Variants in KDM7A observed in about 807,000 individuals in gnomAD.
The protein encoded by KDM7A is lysine demethylase 7A.
In KDM7A, 28 loss-of-function variants were observed where a neutral mutation model predicts 114.8. The ratio of observed to expected loss-of-function variants is 0.24; its 90% CI spans 0.18 to 0.33. The LOEUF (loss-of-function observed/expected upper bound fraction) is 0.33, where lower values mean the gene tolerates loss of function less well. Among genes scored for constraint, KDM7A ranks in the 10% least tolerant of loss-of-function variants. The pLI is 1.00. For missense variants in KDM7A, 942 were observed against 1,142.5 expected (o/e 0.82, Z 2.53); for synonymous variants, 423 against 397.8 (o/e 1.06, Z -0.75).
intron 12 of KDM7A, among the ~76,000 whole-genome samples, chr7:140,100,723 TATATATATATATATATATACATATATA>T (rs1562946108): frequency 4.2e-4 from 25 of 59,342 alleles, no homozygotes; most frequent in African/African-American, 1.7e-3. Flanking sequence ...TATATATATA[TATATATATATATATATATACATATATA>T]TTTTTTTGTT....
In KDM7A at chr7:140,091,941, G is replaced by C; in HGVS notation, c.2594C>G (p.Thr865Ser). 6.2e-7 allele frequency: 1 copy of C among 1,613,970 alleles called. No individual in the cohort carries two copies. The highest frequency in any genetic ancestry group is 1.1e-5 in the South Asian group (1 of 91,058). Residue 865 changes from threonine to serine, a missense_variant, in exon 19 of 20, where the codon ACT (threonine) becomes AGT (serine). Around this residue, in one of 4 missense-constraint regions of KDM7A, gnomAD observed 512 missense variants for 576.6 expected, o/e 0.89. Coordinates refer to ENST00000397560, the MANE Select transcript of KDM7A (RefSeq NM_030647.2). ...ATTACTTATCTGGCACGCCCCCGAA[G>C]TCAGGTTTGAATTCTGCATATACTT... ...NGKYMQNSNLTSGACQISNGS... is the reference protein window; with the variant it reads ...NGKYMQNSNLSSGACQISNGS...
chr7:140,093,098 TCTA>T (rs1818049353), intron 18 of KDM7A, among the ~76,000 whole-genome samples: 2 of 152,164 alleles, frequency 1.3e-5, no homozygotes, highest in South Asian at 4.1e-4. Context: ...CACCCATAAT[TCTA>T]CTACTCAGAG....
At chr7:140,121,114 G>A (rs147527556) in intron 7 of KDM7A, among the ~76,000 whole-genome samples, 3 of 152,282 alleles carry the variant, frequency 2.0e-5, no homozygotes, top group Non-Finnish European at 2.9e-5. Flanking sequence ...GAGTCAACCT[G>A]AGACCTGACT....
At chr7:140,119,315 T>C (rs917265306) in intron 8 of KDM7A, 96 bp from the exon 9 acceptor site, 4 of 607,560 alleles carry the variant, frequency 6.6e-6, no homozygotes, top group South Asian at 2.4e-5. Context: ...GGTCATGATA[T>C]GTAAGACCAA....
chr7:140,103,566 G>T (rs755358646), intron 11 of KDM7A, among the ~76,000 whole-genome samples: 2 of 152,030 alleles, frequency 1.3e-5, no homozygotes, highest in African/African-American at 2.4e-5. Context: ...GCGGTGTTTG[G>T]TTTTTTGTCC....
At chr7:140,165,819 C>T (rs1156260347) in intron 1 of KDM7A, among the ~76,000 whole-genome samples, 2 of 142,740 alleles carry the variant, frequency 1.4e-5, no homozygotes, top group African/African-American at 5.5e-5. Flanking sequence ...CCATAAAGTG[C>T]TTCCTTTAAG....
At chr7:140,100,686 A>T (rs1311177018) in intron 12 of KDM7A, among the ~76,000 whole-genome samples, 5 of 33,582 alleles carry the variant, frequency 1.5e-4, no homozygotes, top group African/African-American at 7.4e-4. Flanking sequence ...ATATACATAT[A>T]TACATATATA....
At chr7:140,173,786 G>A (rs1049520490) in intron 1 of KDM7A, among the ~76,000 whole-genome samples, 1 of 152,040 alleles carries the variant, frequency 6.6e-6, no homozygotes, top group Non-Finnish European at 1.5e-5. Context: ...TCCGAAAAAC[G>A]ATCACTCATT....
chr7:140,113,775 C>A (rs1263901357), intron 9 of KDM7A, among the ~76,000 whole-genome samples, 193 bp from the exon 10 acceptor site: 1 of 152,038 alleles, frequency 6.6e-6, no homozygotes, highest in East Asian at 1.9e-4. Context: ...ATGTAATTTA[C>A]TAAATACTCC....
At chr7:140,166,667 C>T (rs1794579897) in intron 1 of KDM7A, among the ~76,000 whole-genome samples, 1 of 152,078 alleles carries the variant, frequency 6.6e-6, no homozygotes, top group Non-Finnish European at 1.5e-5. Flanking sequence ...CAAATTAGTA[C>T]TAAAGCTAGT....
At chr7:140,129,406 T>G in intron 4 of KDM7A, 87 bp downstream of exon 4, 1 of 1,109,504 alleles carries the variant, frequency 9.0e-7, no homozygotes, top group Non-Finnish European at 1.3e-6. Context: ...AAATTGACAT[T>G]TCTTCATTTA....
At chr7:140,135,478 C>T (rs917649889) in intron 2 of KDM7A, among the ~76,000 whole-genome samples, 1 of 152,090 alleles carries the variant, frequency 6.6e-6, no homozygotes, top group African/African-American at 2.4e-5. Flanking sequence ...TAGGATTACA[C>T]GTGTGAGCCA....
chr7:140,135,577 C>T (rs1254978826), intron 2 of KDM7A, among the ~76,000 whole-genome samples: 1 of 152,040 alleles, frequency 6.6e-6, no homozygotes, highest in Admixed American at 6.6e-5. Flanking sequence ...TGAGCATTTT[C>T]TTTTTATTAA....
In KDM7A at chr7:140,089,151, T is replaced by A. The variant is rs928431721; in HGVS notation, c.*1943A>T. ...AACCCAGATTTTTGACATCCTGAGATAAGATGACTCTACCCATCTTTCCAC... is the reference window on the plus strand; with the variant it reads ...AACCCAGATTTTTGACATCCTGAGAAAAGATGACTCTACCCATCTTTCCAC... On this transcript the variant is annotated 3_prime_UTR_variant, in exon 20 of 20. Coordinates refer to ENST00000397560, the MANE Select transcript of KDM7A (RefSeq NM_030647.2). 6 of 152,132 alleles carry A rather than the reference T, an allele frequency of 3.9e-5. No homozygotes were observed. The highest frequency in any genetic ancestry group is 1.4e-4 in the African/African-American group (6 of 41,424). 9.4% of individuals were successfully genotyped at this position (152,132 alleles called of 1,614,324 possible).
At position 140,127,540 on chromosome 7, in the gene KDM7A, T is replaced by C. The variant is rs749985628; in HGVS notation, c.603A>G (p.Ala201=). ...AATTGTGAAGTGTCATTTTGCTGTC[T>C]GCCTGCCTCGCCACATCAATGACAT... ...VIDVIDVARQ[A]DSKMTLHNYV... Residue 201 remains alanine (A), a synonymous_variant, in exon 5 of 20, where the codon GCA becomes GCG. Coordinates refer to ENST00000397560, the MANE Select transcript of KDM7A (RefSeq NM_030647.2). 1 of 1,613,896 alleles carries C rather than the reference T, an allele frequency of 6.2e-7. No homozygotes were observed. Among genetic ancestry groups the C allele is most frequent in the South Asian group, 1.1e-5 (1 of 91,066 alleles).
chr7:140,167,710 T>C (rs542317201), intron 1 of KDM7A, among the ~76,000 whole-genome samples: 2 of 151,920 alleles, frequency 1.3e-5, no homozygotes, highest in African/African-American at 4.8e-5. Context: ...TACCTTGAGG[T>C]AGAGAAAGGA....
intron 7 of KDM7A, among the ~76,000 whole-genome samples, chr7:140,123,753 GTAA>G (rs1818652367): frequency 6.6e-6 from 1 of 152,160 alleles, no homozygotes; most frequent in African/African-American, 2.4e-5. Flanking sequence ...AAAAGATGAA[GTAA>G]TGATACATGC....
intron 11 of KDM7A, among the ~76,000 whole-genome samples, chr7:140,109,972 A>G (rs1022705223): frequency 6.6e-6 from 1 of 152,224 alleles, no homozygotes; most frequent in Non-Finnish European, 1.5e-5. Flanking sequence ...GCCAGATAAA[A>G]TAACAGACAC....
chr7:140,139,005 T>C (rs6974217), intron 2 of KDM7A, 100 bp downstream of exon 2: 248,418 of 748,510 alleles, frequency 0.33, 42,628 homozygotes, highest in Middle Eastern at 0.49. Flanking sequence ...GGGTGTAATA[T>C]AACTCCTCAG....
Sources: gnomAD v4.1 joint callset for allele counts (sites outside exome capture counted in the v4.1 genomes callset) on GRCh38, gnomAD v4.1.1 for gene constraint, gnomAD v4.1.1 regional missense constraint, MANE v1.5 for transcripts, NCBI Gene and HGNC (gene_info 2026-07-23, HGNC 2026-07-21) for gene names.